GLCCI1: variants seen among roughly 807,000 people sequenced by gnomAD.
GLCCI1 encodes glucocorticoid induced 1.
Under a neutral mutation model 52.2 loss-of-function variants are expected in GLCCI1, and 24 were observed. The ratio of observed to expected loss-of-function variants is 0.46; its 90% CI spans 0.33 to 0.65. GLCCI1 has a LOEUF of 0.65. Ranked by LOEUF, GLCCI1 falls within the 30% of genes least tolerant of loss-of-function variation. The pLI is 0.02. For synonymous variants in GLCCI1, 310 were observed against 276.5 expected (o/e 1.12, Z -1.20); for missense variants, 704 against 701.5 (o/e 1.00, Z -0.04).
intron 2 of GLCCI1, among the ~76,000 whole-genome samples, chr7:8,020,862 T>C (rs1781469888): frequency 6.6e-6 from 1 of 152,196 alleles, no homozygotes; most frequent in Admixed American, 6.5e-5. Context: ...AAATTCATTA[T>C]TAAGGATACA....
chr7:8,026,720 G>C (rs1391527303), intron 3 of GLCCI1, among the ~76,000 whole-genome samples: 2 of 152,222 alleles, frequency 1.3e-5, no homozygotes, highest in Non-Finnish European at 2.9e-5. Context: ...TGTGCATGGA[G>C]GGAACGTTTG....
intron 4 of GLCCI1, among the ~76,000 whole-genome samples, chr7:8,057,323 GA>G (rs1323239096): frequency 3.3e-5 from 5 of 151,876 alleles, no homozygotes; most frequent in Non-Finnish European, 5.9e-5. Flanking sequence ...GTTGTGAGTG[GA>G]TAAACACTTC....
At chr7:7,970,748 A>G (rs1780334561) in intron 1 of GLCCI1, among the ~76,000 whole-genome samples, 2 of 152,180 alleles carry the variant, frequency 1.3e-5, no homozygotes, top group African/African-American at 4.8e-5. Context: ...GAAAAGGAAG[A>G]TTAGCCAAAA....
chr7:8,028,867 T>C (rs2127950908), intron 3 of GLCCI1, among the ~76,000 whole-genome samples: 1 of 152,168 alleles, frequency 6.6e-6, no homozygotes, highest in East Asian at 1.9e-4. Flanking sequence ...AATGAATAAA[T>C]TCTCAGATAC....
chr7:8,038,290 AAAAAGCCCAAATG>A (rs1408174837), intron 3 of GLCCI1, among the ~76,000 whole-genome samples: 1 of 152,204 alleles, frequency 6.6e-6, no homozygotes, highest in Non-Finnish European at 1.5e-5. Flanking sequence ...TTCATATTGA[AAAAAGCCCAAATG>A]GTGAAAGCAG....
intron 2 of GLCCI1, among the ~76,000 whole-genome samples, chr7:8,011,656 T>C (rs1257818678): frequency 6.6e-6 from 1 of 152,206 alleles, no homozygotes; most frequent in African/African-American, 2.4e-5. Flanking sequence ...TTTGTATATA[T>C]TTCCAGAAGT....
In GLCCI1 at chr7:7,969,340, G is replaced by T. The variant is rs779253375; in HGVS notation, c.-11G>T. 5 of 1,458,426 alleles carry T rather than the reference G, an allele frequency of 3.4e-6. No homozygotes were observed. The African/African-American group carries it at 5.9e-5, about 17-fold the overall frequency. 90.3% of individuals were successfully genotyped at this position (1,458,426 alleles called of 1,614,324 possible). On this transcript the variant is annotated 5_prime_UTR_variant, in exon 1 of 8. Transcript: ENST00000223145. The surrounding 1 kb of genome is among the most constrained non-coding windows in gnomAD (Gnocchi z 4.9). ...TGTCGGCCGGCGGCGTCCAGGGCCC[G>T]CAGAGCCACCATGTCCACTGCCTCC...
rs188265392 is a variant in GLCCI1 at position 8,088,612 on chromosome 7, A to G, written c.*2074A>G. ...GATGTCTGGTTTAGCATTACATAATATGTTGATCTTACACTCTGCTTTTGT... is the reference window on the plus strand; with the variant it reads ...GATGTCTGGTTTAGCATTACATAATGTGTTGATCTTACACTCTGCTTTTGT... On this transcript the variant is annotated 3_prime_UTR_variant, in exon 8 of 8. Transcript: ENST00000223145. 2.0e-5 allele frequency: 3 copies of G among 152,752 alleles called. No homozygotes were observed. In the East Asian group the frequency reaches 5.8e-4, roughly 29 times the overall value. The allele number at this position is 152,752 out of a possible 1,614,324, so 9.5% of individuals were successfully genotyped here. A position where few individuals can be genotyped will look rare whatever the true frequency, so the allele number is the denominator to read the frequency against.
chr7:8,084,916 G>T lies in GLCCI1; in HGVS notation c.1197G>T (p.Pro399=), dbSNP rs757167013. The T allele has an allele frequency of 6.2e-7, 1 of 1,614,042 alleles. No individual in the cohort carries two copies. The highest frequency in any genetic ancestry group is 8.5e-7 in the Non-Finnish European group (1 of 1,179,964). Residue 399 remains proline, a synonymous_variant, in exon 7 of 8, where the codon CCG becomes CCT. Transcript: ENST00000223145. ...DRDKDSGSSS[P]LPKYASSPKP... The stretch of plus-strand genomic sequence containing the variant: ...TTACAGACAGTGGGAGTAGCTCACC[G>T]TTACCCAAGTATGCTTCATCTCCCA...
At chr7:7,990,712 C>T (rs769432345) in intron 1 of GLCCI1, among the ~76,000 whole-genome samples, 15 of 152,022 alleles carry the variant, frequency 9.9e-5, no homozygotes, top group Non-Finnish European at 1.9e-4. Context: ...TTGGCCTTTC[C>T]GACTTTATGA....
chr7:8,008,673 C>T (rs1006665235), intron 2 of GLCCI1, among the ~76,000 whole-genome samples: 5 of 152,116 alleles, frequency 3.3e-5, no homozygotes, highest in Non-Finnish European at 7.4e-5. Flanking sequence ...TACACTTGTG[C>T]ATTTTGCTGT....
rs1380555301 is a variant in GLCCI1, at chr7:8,086,117, A to AC, written c.1299-75dup. 6 of 1,247,592 alleles carry AC rather than the reference A, an allele frequency of 4.8e-6. No homozygotes were observed. The African/African-American group carries it at 9.0e-5, about 19-fold the overall frequency. The allele number at this position is 1,247,592 out of a possible 1,614,324, so 77.3% of individuals were successfully genotyped here. On this transcript the variant is annotated intron_variant, in intron 7 of 7. Transcript: ENST00000223145. The surrounding 1 kb of genome is among the most constrained non-coding windows in gnomAD (Gnocchi z 4.4). ...ATTTACATTTTAGCTGTTTTAGAGAACTCCAGTTAATTCAGAAAATGCTTA... is the reference window on the plus strand; with the variant it reads ...ATTTACATTTTAGCTGTTTTAGAGAACCTCCAGTTAATTCAGAAAATGCTTA...
intron 3 of GLCCI1, among the ~76,000 whole-genome samples, chr7:8,022,901 A>G (rs1360015830): frequency 6.6e-6 from 1 of 152,140 alleles, no homozygotes; most frequent in South Asian, 2.1e-4. Context: ...AATACTCTCT[A>G]TCTTGTTCAT....
At chr7:8,018,868 G>A (rs1781428164) in intron 2 of GLCCI1, among the ~76,000 whole-genome samples, 1 of 152,064 alleles carries the variant, frequency 6.6e-6, no homozygotes, top group East Asian at 1.9e-4. Context: ...CCAAAGGCAT[G>A]GTTATATGTA....
intron 6 of GLCCI1, among the ~76,000 whole-genome samples, chr7:8,072,155 A>T (rs1782776778): frequency 6.6e-6 from 1 of 152,184 alleles, no homozygotes; most frequent in African/African-American, 2.4e-5. Context: ...TCTCCACTTG[A>T]AAGTAACCAC....
intron 3 of GLCCI1, among the ~76,000 whole-genome samples, chr7:8,043,945 A>AT (rs35175770): frequency 0.073 from 10,106 of 139,152 alleles, 476 homozygotes; most frequent in South Asian, 0.21. Flanking sequence ...GAAGCACTAA[A>AT]TTTTTTTTTT....
At chr7:7,984,698 A>G (rs1416691992) in intron 1 of GLCCI1, among the ~76,000 whole-genome samples, 1 of 152,222 alleles carries the variant, frequency 6.6e-6, no homozygotes, top group Non-Finnish European at 1.5e-5. Context: ...TTAACTGAAT[A>G]GTGTAATTTC....
intron 3 of GLCCI1, among the ~76,000 whole-genome samples, chr7:8,035,344 G>T (rs965494026): frequency 6.6e-6 from 1 of 152,196 alleles, no homozygotes; most frequent in Admixed American, 6.5e-5. Flanking sequence ...GGTGGCCTCA[G>T]TGCTTAAGCA....
At position 8,003,992 on chromosome 7, in the gene GLCCI1, T is replaced by G; in HGVS notation, c.542T>G (p.Leu181Arg). The G allele has an allele frequency of 6.2e-7, 1 of 1,613,792 alleles. No individual in the cohort carries two copies. Among genetic ancestry groups the G allele is most frequent in the Non-Finnish European group, 8.5e-7 (1 of 1,179,782 alleles). Reference sequence around the variant, plus strand: ...TTGGATACAATAACAGGACCTTACCTCACAGGACAGTGGCCACGGGATCCT... The same window carrying G: ...TTGGATACAATAACAGGACCTTACCGCACAGGACAGTGGCCACGGGATCCT... ...SSLDTITGPY[L>R]TGQWPRDPHV... is the part of the protein sequence containing the mutation. The change falls in exon 2 of 8, where the codon CTC becomes CGC. Residue 181 changes from leucine to arginine, a missense_variant. By Grantham distance (102) the Leu-to-Arg change is moderately radical. Around this residue, in one of 3 missense-constraint regions of GLCCI1, gnomAD observed 547 missense variants for 524.8 expected, o/e 1.04. Coordinates refer to ENST00000223145, the MANE Select transcript of GLCCI1 (RefSeq NM_138426.4).
Sources: gnomAD v4.1 joint callset for allele counts (sites outside exome capture counted in the v4.1 genomes callset) on GRCh38, gnomAD v4.1.1 for gene constraint, gnomAD v4.1.1 regional missense constraint, Gnocchi (gnomAD v3.1) non-coding constraint, MANE v1.5 for transcripts, NCBI Gene and HGNC (gene_info 2026-07-23, HGNC 2026-07-21) for gene names.